The following CCDC73 variants were observed in gnomAD, a reference collection of about 807,000 sequenced individuals.
CCDC73 encodes the protein coiled-coil domain-containing protein 73.
Under a neutral mutation model 116.5 loss-of-function variants are expected in CCDC73, and 95 were observed. The observed-to-expected ratio is 0.82, with a 90% CI of 0.69 to 0.97. The LOEUF is 0.97. Ranked by LOEUF, CCDC73 falls within the 50% of genes least tolerant of loss-of-function variation. The probability of loss-of-function intolerance (pLI) is 0.00; values close to 1 mark genes in which losing one functional copy is unlikely to be tolerated. For synonymous variants in CCDC73, 398 were observed against 401.3 expected (o/e 0.99, Z 0.10); for missense variants, 1,066 against 1,206.8 (o/e 0.88, Z 1.73).
In CCDC73 at chr11:32,706,462, G is replaced by A. The variant is rs557142188; in HGVS notation, c.208-3518C>T. The stretch of plus-strand genomic sequence containing the variant: ...TAAAATAACTAAATGTTCCCACTGC[G>A]GTCATCAAGCACTAGAGGAGAGTGC... On this transcript the variant is annotated intron_variant, in intron 3 of 17. Coordinates refer to ENST00000335185, the MANE Select transcript of CCDC73 (RefSeq NM_001008391.4). Among the ~76,000 whole-genome samples, 23 of 152,248 alleles carry A rather than the reference G, an allele frequency of 1.5e-4. No individual in the cohort carries two copies. The South Asian group carries it at 1.7e-3, about 11-fold the overall frequency.
At chr11:32,763,097 A>G (rs557313821) in intron 1 of CCDC73, among the ~76,000 whole-genome samples, 1 of 152,354 alleles carries the variant, frequency 6.6e-6, no homozygotes, top group South Asian at 2.1e-4. Context: ...CAAAGCAGCC[A>G]GGAAACCCAA....
chr11:32,670,046 T>C (rs1856021753), intron 9 of CCDC73, among the ~76,000 whole-genome samples: 1 of 152,236 alleles, frequency 6.6e-6, no homozygotes, highest in Admixed American at 6.5e-5. Flanking sequence ...TTTAAAATAA[T>C]GTACACCTTT....
chr11:32,721,443 A>G (rs114178433), intron 2 of CCDC73, among the ~76,000 whole-genome samples: 2 of 152,176 alleles, frequency 1.3e-5, no homozygotes, highest in African/African-American at 4.8e-5. Context: ...AAAATAGAAA[A>G]ATATTAATGT....
intron 3 of CCDC73, among the ~76,000 whole-genome samples, chr11:32,716,812 C>T (rs1849950385): frequency 6.6e-6 from 1 of 152,202 alleles, no homozygotes; most frequent in South Asian, 2.1e-4. Context: ...ACCCTCCTGC[C>T]TTGGCCTACC....
At chr11:32,735,904 T>C (rs1377278389) in intron 2 of CCDC73, among the ~76,000 whole-genome samples, 6 of 152,094 alleles carry the variant, frequency 3.9e-5, no homozygotes, top group Non-Finnish European at 8.8e-5. Context: ...AAACAAGAAA[T>C]GGGAAAAGGA....
chr11:32,763,558 C>CTGTTAGAAGGAAAACTT (rs1780935139), intron 1 of CCDC73, among the ~76,000 whole-genome samples: 1 of 152,196 alleles, frequency 6.6e-6, no homozygotes, highest in Non-Finnish European at 1.5e-5. Context: ...AGGGTCCTGA[C>CTGTTAGAAGGAAAACTT]TGTTAGAAGG....
intron 1 of CCDC73, among the ~76,000 whole-genome samples, chr11:32,762,567 G>A (rs1670204155): frequency 6.6e-6 from 1 of 152,150 alleles, no homozygotes. Flanking sequence ...CAGGAGAGGT[G>A]CCTTGGTGTC....
chr11:32,809,149 T>A, the CCDC73 span, among the ~76,000 whole-genome samples: 3 of 152,182 alleles, frequency 2.0e-5, no homozygotes, highest in Non-Finnish European at 4.4e-5. Flanking sequence ...AACTTAAACA[T>A]CATAAGCATC....
intron 6 of CCDC73, among the ~76,000 whole-genome samples, chr11:32,689,521 A>C (rs1402898543): frequency 6.6e-6 from 1 of 152,136 alleles, no homozygotes; most frequent in Non-Finnish European, 1.5e-5. Context: ...TATTATTAAA[A>C]ATATTTTAAT....
chr11:32,787,238 C>T (rs527332418), intron 1 of CCDC73, among the ~76,000 whole-genome samples: 1 of 152,190 alleles, frequency 6.6e-6, no homozygotes, highest in South Asian at 2.1e-4. Context: ...TAACCAAATG[C>T]CTAGGGCAAA....
At chr11:32,637,369 A>C (rs975868572) in intron 13 of CCDC73, among the ~76,000 whole-genome samples, 3 of 150,282 alleles carry the variant, frequency 2.0e-5, no homozygotes, top group South Asian at 2.1e-4. Context: ...ACCTCCCATC[A>C]CTCCTTAATA....
intron 2 of CCDC73, among the ~76,000 whole-genome samples, chr11:32,721,015 C>T (rs937640712): frequency 6.6e-6 from 1 of 151,942 alleles, no homozygotes; most frequent in African/African-American, 2.4e-5. Flanking sequence ...TGTAATGATA[C>T]TTATTTTATT....
the CCDC73 span, among the ~76,000 whole-genome samples, chr11:32,812,470 A>G: frequency 6.6e-6 from 1 of 152,206 alleles, no homozygotes; most frequent in South Asian, 2.1e-4. Context: ...GTTCAAGGCT[A>G]GCCTGACCAA....
At position 32,782,984 on chromosome 11, in the gene CCDC73, A is replaced by G. The variant is rs1423618349; in HGVS notation, c.-16+11629T>C. On this transcript the variant is annotated intron_variant, in intron 1 of 17. Transcript: ENST00000335185. ...TAACTGTACCCTAAAAGTCCCAGAA[A>G]GAGTGAACAAAGAAATTGGAGAAGA... is the stretch of plus-strand genomic sequence containing the variant. Among the ~76,000 whole-genome samples, 4 of 152,184 alleles carry G rather than the reference A, an allele frequency of 2.6e-5. No individual in the cohort carries two copies. In the East Asian group the frequency reaches 7.7e-4, roughly 29 times the overall value.
At chr11:32,738,812 T>C (rs1242268820) in intron 2 of CCDC73, among the ~76,000 whole-genome samples, 1 of 152,154 alleles carries the variant, frequency 6.6e-6, no homozygotes, top group African/African-American at 2.4e-5. Flanking sequence ...ATATTTTCTT[T>C]TAGTAATTTC....
intron 3 of CCDC73, among the ~76,000 whole-genome samples, chr11:32,707,572 T>C (rs890894002): frequency 2.0e-5 from 3 of 152,118 alleles, no homozygotes; most frequent in African/African-American, 7.2e-5. Flanking sequence ...ACTTGCATAA[T>C]ATGGGGACAA....
At chr11:32,731,812 A>T (rs1850081027) in intron 2 of CCDC73, among the ~76,000 whole-genome samples, 1 of 152,220 alleles carries the variant, frequency 6.6e-6, no homozygotes, top group Non-Finnish European at 1.5e-5. Context: ...ATGGGGAGAA[A>T]CCAGAGCAGA....
At chr11:32,754,539 T>C (rs1385638808) in intron 2 of CCDC73, among the ~76,000 whole-genome samples, 1 of 151,966 alleles carries the variant, frequency 6.6e-6, no homozygotes, top group African/African-American at 2.4e-5. Context: ...AAAATGAATC[T>C]CTAAAAATAT....
the CCDC73 span, among the ~76,000 whole-genome samples, chr11:32,801,517 T>C: frequency 6.6e-6 from 1 of 152,112 alleles, no homozygotes; most frequent in African/African-American, 2.4e-5. Flanking sequence ...GGCACACACC[T>C]GTAGTCCCAG....
Sources: gnomAD v4.1 joint callset for allele counts (sites outside exome capture counted in the v4.1 genomes callset) on GRCh38, gnomAD v4.1.1 for gene constraint, MANE v1.5 for transcripts, NCBI Gene and HGNC (gene_info 2026-07-23, HGNC 2026-07-21) for gene names.